PTCRA: variants seen among roughly 807,000 people sequenced by gnomAD.
The protein encoded by PTCRA is pre T-cell antigen receptor alpha.
PTCRA carries 9 observed loss-of-function variants against 13.4 expected under a neutral mutation model. The observed-to-expected ratio is 0.67, with a 90% CI of 0.41 to 1.18. The LOEUF is 1.18. Among genes scored for constraint, PTCRA ranks in the 50% most tolerant of loss-of-function variants. The probability of loss-of-function intolerance (pLI) is 0.01; values close to 1 mark genes in which losing one functional copy is unlikely to be tolerated. For synonymous variants in PTCRA, 153 were observed against 161.9 expected, an observed-to-expected ratio of 0.94 and a Z score of 0.42; for missense variants, 353 against 359.8, an observed-to-expected ratio of 0.98 and a Z score of 0.15.
intron 1 of PTCRA, among the ~76,000 whole-genome samples, chr6:42,920,585 C>T (rs903177365): frequency 6.6e-6 from 1 of 151,202 alleles, no homozygotes; most frequent in African/African-American, 2.4e-5. Flanking sequence ...CCACCACGCC[C>T]GGCTAATTAT....
At chr6:42,919,642 G>A (rs566903857) in intron 1 of PTCRA, among the ~76,000 whole-genome samples, 2 of 149,518 alleles carry the variant, frequency 1.3e-5, no homozygotes, top group Non-Finnish European at 3.0e-5. Flanking sequence ...GCCTGAACCC[G>A]GGTGGTCAAA....
intron 2 of PTCRA, among the ~76,000 whole-genome samples, 165 bp downstream of exon 2, chr6:42,923,512 G>A (rs1387377610): frequency 1.3e-5 from 2 of 152,238 alleles, no homozygotes; most frequent in East Asian, 3.8e-4. Context: ...TGGCCTCAGG[G>A]CCATGAATTT....
At chr6:42,924,093 C>T in intron 2 of PTCRA, 136 bp from the exon 3 acceptor site, 1 of 696,128 alleles carries the variant, frequency 1.4e-6, no homozygotes, top group Non-Finnish European at 2.4e-6. Flanking sequence ...AGGGTTTCTG[C>T]TGCTGGCTCA....
chr6:42,921,560 G>T (rs1767163773), intron 1 of PTCRA, among the ~76,000 whole-genome samples: 3 of 148,946 alleles, frequency 2.0e-5, no homozygotes, highest in Non-Finnish European at 4.5e-5. Context: ...TGGGATTACA[G>T]GCACACACCA....
intron 2 of PTCRA, 110 bp from the exon 3 acceptor site, chr6:42,924,119 C>A: frequency 4.3e-6 from 4 of 934,796 alleles, no homozygotes; most frequent in Non-Finnish European, 6.5e-6. Flanking sequence ...CCATTTACCC[C>A]AAATGCCTCG....
Position 42,925,684 on chromosome 6 carries a change from G to A in PTCRA, c.*2G>A, listed in dbSNP as rs368137542. The stretch of plus-strand genomic sequence containing the variant: ...CCTCTGCAGGCTGGAGCTGCCTGAG[G>A]GCAGGGCTCTACCTCCCCTGCGTCA... On this transcript the variant is annotated 3_prime_UTR_variant, in exon 4 of 4. Coordinates refer to ENST00000304672, the MANE Select transcript of PTCRA (RefSeq NM_138296.3). The surrounding 1 kb of genome is among the most constrained non-coding windows in gnomAD (Gnocchi z 4.4). The A allele has an allele frequency of 1.5e-5, 22 of 1,515,206 alleles. No homozygotes were observed. Among genetic ancestry groups the A allele is most frequent in the Non-Finnish European group, 1.9e-5 (21 of 1,131,014 alleles). 93.9% of individuals were successfully genotyped at this position (1,515,206 alleles called of 1,614,324 possible). A position where few individuals can be genotyped will look rare whatever the true frequency, so the allele number is the denominator to read the frequency against.
chr6:42,917,946 C>T (rs1212425296), intron 1 of PTCRA, among the ~76,000 whole-genome samples: 1 of 151,952 alleles, frequency 6.6e-6, no homozygotes, highest in East Asian at 1.9e-4. Context: ...GAAAACAAAA[C>T]AAAACAAACA....
rs2114130753 is a variant in PTCRA at position 42,923,037 on chromosome 6, C to T, written c.69C>T (p.Gly23=). 6.2e-7 allele frequency: 1 copy of T among 1,614,156 alleles called. No homozygotes were observed. The highest frequency in any genetic ancestry group is 2.2e-5 in the East Asian group (1 of 44,888). Residue 23 remains glycine (G), a synonymous_variant, in exon 2 of 4, where the codon GGC becomes GGT. Coordinates refer to ENST00000304672, the MANE Select transcript of PTCRA (RefSeq NM_138296.3). The part of the protein sequence containing the change: ...GCPALPTGVG[G]TPFPSLAPPI... ...CATGCTCTCTTGCAGGTGTGGGCGG[C>T]ACACCCTTTCCTTCTCTGGCCCCAC... is the stretch of plus-strand genomic sequence containing the variant.
chr6:42,917,247 G>A (rs1273308660), intron 1 of PTCRA, among the ~76,000 whole-genome samples: 1 of 146,504 alleles, frequency 6.8e-6, no homozygotes, highest in Non-Finnish European at 1.5e-5. Context: ...TTTTGAGACA[G>A]AGTCTCGCAC....
rs2114123826 is a variant in PTCRA, at chr6:42,920,842, G to C, written c.59-2185G>C. On this transcript the variant is annotated intron_variant, in intron 1 of 3. Transcript: ENST00000304672. The stretch of plus-strand genomic sequence containing the variant: ...TTTTTTTTTTTCACTCTGTCACCCA[G>C]GCTGGAGTGCAGTGACGCGATCTCA... 2.0e-5 allele frequency among the ~76,000 whole-genome samples: 3 copies of C among 147,958 alleles called. No homozygotes were observed. The South Asian group carries it at 6.3e-4, about 31-fold the overall frequency.
chr6:42,924,352 TG>T, intron 3 of PTCRA, 79 bp downstream of exon 3: 1 of 1,221,458 alleles, frequency 8.2e-7, no homozygotes, highest in South Asian at 1.2e-5. Context: ...CCTTCAGCTC[TG>T]GCCTAATGGG....
At chr6:42,922,142 A>G (rs1767200298) in intron 1 of PTCRA, 1 of 680,252 alleles carries the variant, frequency 1.5e-6, no homozygotes, top group Non-Finnish European at 2.7e-6. Flanking sequence ...ACATTTTGCC[A>G]TATTTAAATC....
At chr6:42,924,647 G>A (rs546116696) in intron 3 of PTCRA, among the ~76,000 whole-genome samples, 1 of 152,212 alleles carries the variant, frequency 6.6e-6, no homozygotes, top group Admixed American at 6.5e-5. Context: ...CATGAAGTTG[G>A]GCTGTGGTCC....
intron 1 of PTCRA, among the ~76,000 whole-genome samples, chr6:42,918,587 A>G (rs528782847): frequency 6.6e-6 from 1 of 151,984 alleles, no homozygotes; most frequent in South Asian, 2.1e-4. Context: ...ATGAAATAAA[A>G]TAAAGACTCA....
rs1406213803 is a variant in PTCRA, at chr6:42,925,533, G to C, written c.697G>C (p.Val233Leu). 1 of 1,587,482 alleles carries C rather than the reference G, an allele frequency of 6.3e-7. No homozygotes were observed. Among genetic ancestry groups the C allele is most frequent in the Non-Finnish European group, 8.6e-7 (1 of 1,165,810 alleles). The change falls in exon 4 of 4, where the codon GTA becomes CTA. Residue 233 changes from valine (V) to leucine (L), a missense_variant. Val to Leu is a conservative substitution (Grantham distance 32). Coordinates refer to ENST00000304672, the MANE Select transcript of PTCRA (RefSeq NM_138296.3). This position sits in a 1 kb window ranked among gnomAD's most constrained non-coding sequence, Gnocchi z 4.4. ...TPPGRKPGSP[V>L]WGEGSYLSSY... ...TCCGGGTCGGAAGCCCGGGAGCCCA[G>C]TATGGGGGGAAGGGTCTTACCTCAG...
In PTCRA at chr6:42,925,409, C is replaced by T. The variant is rs1038771738; in HGVS notation, c.573C>T (p.Leu191=). 16 of 1,554,968 alleles carry T rather than the reference C, an allele frequency of 1.0e-5. No individual in the cohort carries two copies. Among genetic ancestry groups the T allele is most frequent in the African/African-American group, 4.1e-5 (3 of 73,352 alleles). ...CAACCACCACCCGCCTGCGAGCCCT[C>T]GGCTCCCATCGACTGCACCCGGCCA... ...SPATTTRLRA[L]GSHRLHPATE... Residue 191 remains leucine, a synonymous_variant, in exon 4 of 4, where the codon CTC becomes CTT. Coordinates refer to ENST00000304672, the MANE Select transcript of PTCRA (RefSeq NM_138296.3). This position sits in a 1 kb window ranked among gnomAD's most constrained non-coding sequence, Gnocchi z 4.4.
intron 3 of PTCRA, 89 bp downstream of exon 3, chr6:42,924,362 G>C: frequency 9.1e-7 from 1 of 1,102,806 alleles, no homozygotes; most frequent in East Asian, 2.4e-5. Flanking sequence ...TGGCCTAATG[G>C]GTCTTACACT....
chr6:42,921,221 C>T (rs1767140881), intron 1 of PTCRA, among the ~76,000 whole-genome samples: 1 of 150,820 alleles, frequency 6.6e-6, no homozygotes, highest in Admixed American at 6.6e-5. Flanking sequence ...CTGCTTCAAG[C>T]CTCCTGAGTA....
chr6:42,924,753 A>G (rs1166271185), intron 3 of PTCRA, among the ~76,000 whole-genome samples: 2 of 152,098 alleles, frequency 1.3e-5, no homozygotes, highest in Admixed American at 1.3e-4. Context: ...TGGGTGGATC[A>G]CGAGGTCAGG....
Sources: gnomAD v4.1 joint callset for allele counts (sites outside exome capture counted in the v4.1 genomes callset) on GRCh38, gnomAD v4.1.1 for gene constraint, Gnocchi (gnomAD v3.1) non-coding constraint, MANE v1.5 for transcripts, NCBI Gene and HGNC (gene_info 2026-07-23, HGNC 2026-07-21) for gene names.